SATB2: variants seen among roughly 807,000 people sequenced by gnomAD.
SATB2 encodes the protein DNA-binding protein SATB2.
SATB2 carries 1 observed loss-of-function variant against 73.4 expected under a neutral mutation model. The ratio of observed to expected loss-of-function variants is 0.01; its 90% CI spans 0.00 to 0.06. The LOEUF (loss-of-function observed/expected upper bound fraction) is 0.06. SATB2 is among the 10% of genes least tolerant of loss of function. The probability of loss-of-function intolerance (pLI) is 1.00; values close to 1 mark genes in which losing one functional copy is unlikely to be tolerated. For missense variants in SATB2, 459 were observed against 945.8 expected, an observed-to-expected ratio of 0.49 and a Z score of 6.75; for synonymous variants, 397 against 367.0, an observed-to-expected ratio of 1.08 and a Z score of -0.93.
rs949882211 is a variant in SATB2, at chr2:199,463,308, G to T, written c.-141+1528C>A. 6.6e-6 allele frequency among the ~76,000 whole-genome samples: 1 copy of T among 152,226 alleles called. No individual in the cohort carries two copies. The highest frequency in any genetic ancestry group is 1.5e-5 in the Non-Finnish European group (1 of 68,026). ...TAAACCGGGACAACAAGGCAAGGGT[G>T]GGGGAAGAAAAGGAAGCGCCGAAGG... On this transcript the variant is annotated intron_variant, in intron 1 of 11. Coordinates refer to the SATB2 transcript ENST00000260926. This position sits in a 1 kb window ranked among gnomAD's most constrained non-coding sequence, Gnocchi z 6.4.
At chr2:199,325,076 T>G (rs1271497953) in intron 8 of SATB2, among the ~76,000 whole-genome samples, 1 of 152,148 alleles carries the variant, frequency 6.6e-6, no homozygotes, top group Admixed American at 6.5e-5. Flanking sequence ...GCGGCAGAAC[T>G]TAAGGCCCTA....
At chr2:199,397,776 C>T (rs1424866653) in intron 3 of SATB2, 2 of 423,144 alleles carry the variant, frequency 4.7e-6, no homozygotes, top group African/African-American at 2.1e-5. Context: ...GGATTTCCAG[C>T]TACTCCGGAG....
chr2:199,316,472 A>C (rs1237086328), intron 9 of SATB2, among the ~76,000 whole-genome samples: 1 of 152,156 alleles, frequency 6.6e-6, no homozygotes, highest in East Asian at 1.9e-4. Flanking sequence ...TGGTAAGTAC[A>C]GAAGATCTGC....
chr2:199,377,193 G>A (rs1689630082), intron 5 of SATB2, among the ~76,000 whole-genome samples: 1 of 152,092 alleles, frequency 6.6e-6, no homozygotes, highest in African/African-American at 2.4e-5. Context: ...TGGCTAACAT[G>A]GTGAAATCAC....
chr2:199,338,193 GTC>G (rs1296044324), intron 7 of SATB2, among the ~76,000 whole-genome samples: 1 of 151,814 alleles, frequency 6.6e-6, no homozygotes, highest in Non-Finnish European at 1.5e-5. Context: ...AGGAAACCCT[GTC>G]TCTATTAAAA....
At chr2:199,436,503 T>C (rs1691657626) in intron 2 of SATB2, among the ~76,000 whole-genome samples, 1 of 151,972 alleles carries the variant, frequency 6.6e-6, no homozygotes, top group African/African-American at 2.4e-5. Context: ...AACGTATGTA[T>C]GATAATAGGG....
At chr2:199,426,557 A>T (rs1691333990) in intron 3 of SATB2, among the ~76,000 whole-genome samples, 1 of 152,040 alleles carries the variant, frequency 6.6e-6, no homozygotes, top group Admixed American at 6.6e-5. Flanking sequence ...TTGGCCTCCC[A>T]AAGTGCTGGG....
intron 8 of SATB2, 33 bp downstream of exon 8, chr2:199,328,663 CAA>C (rs775984543): frequency 6.4e-7 from 1 of 1,550,492 alleles, no homozygotes; most frequent in East Asian, 2.2e-5. Flanking sequence ...GTTTCCAAGA[CAA>C]AGAGTGAAAA....
At chr2:199,384,175 T>C (rs1689861260) in intron 3 of SATB2, among the ~76,000 whole-genome samples, 1 of 152,244 alleles carries the variant, frequency 6.6e-6, no homozygotes, top group African/African-American at 2.4e-5. Context: ...TTGTTTGGGC[T>C]GGAATTAGAC....
upstream of SATB2, chr2:199,460,350 A>G (rs1692448690): frequency 6.6e-6 from 1 of 152,342 alleles, no homozygotes; most frequent in Non-Finnish European, 1.5e-5. The surrounding 1 kb of genome is among the most constrained non-coding windows in gnomAD (Gnocchi z 4.0). Context: ...GGTGTTGCAA[A>G]AGCCAACTAC....
At chr2:199,276,631 T>C (rs1305922030) in intron 10 of SATB2, among the ~76,000 whole-genome samples, 1 of 152,196 alleles carries the variant, frequency 6.6e-6, no homozygotes, top group Non-Finnish European at 1.5e-5. Flanking sequence ...AAATTCTCTT[T>C]CCAAACTAGT....
intron 3 of SATB2, among the ~76,000 whole-genome samples, chr2:199,397,319 T>G (rs910360424): frequency 2.0e-5 from 3 of 152,226 alleles, no homozygotes; most frequent in African/African-American, 7.2e-5. Flanking sequence ...ATCTCAACAC[T>G]GGCTTCTGCT....
intron 5 of SATB2, among the ~76,000 whole-genome samples, chr2:199,380,040 C>T (rs1480114509): frequency 1.3e-5 from 2 of 151,808 alleles, no homozygotes; most frequent in Non-Finnish European, 2.9e-5. Context: ...CATGTCACCA[C>T]GCCCAGCTAA....
intron 7 of SATB2, 54 bp downstream of exon 7, chr2:199,348,647 C>T (rs748943670): frequency 7.6e-6 from 10 of 1,321,590 alleles, no homozygotes; most frequent in Admixed American, 5.8e-5. Flanking sequence ...TATAACCTAT[C>T]TCAATTCTGT....
At chr2:199,408,926 A>T (rs1234966870) in intron 3 of SATB2, among the ~76,000 whole-genome samples, 1 of 152,122 alleles carries the variant, frequency 6.6e-6, no homozygotes, top group African/African-American at 2.4e-5. Flanking sequence ...AGCACTGAAC[A>T]TAATGAGGGA....
At chr2:199,395,329 A>G (rs1409874610) in intron 3 of SATB2, among the ~76,000 whole-genome samples, 2 of 152,208 alleles carry the variant, frequency 1.3e-5, no homozygotes, top group Admixed American at 1.3e-4. Flanking sequence ...AAGTTACCCA[A>G]TATTACATTA....
At chr2:199,441,328 C>A (rs1028044899) in intron 2 of SATB2, among the ~76,000 whole-genome samples, 3 of 151,826 alleles carry the variant, frequency 2.0e-5, no homozygotes, top group African/African-American at 4.8e-5. Flanking sequence ...TAAGAAAAAA[C>A]CAACTAGAAA....
intron 7 of SATB2, among the ~76,000 whole-genome samples, chr2:199,331,531 A>C (rs867104020): frequency 1.3e-5 from 2 of 152,172 alleles, no homozygotes; most frequent in Non-Finnish European, 2.9e-5. Context: ...TAAAACTCTC[A>C]TATGTGTAGC....
chr2:199,299,500 A>C (rs1687217819), intron 10 of SATB2, among the ~76,000 whole-genome samples: 1 of 152,204 alleles, frequency 6.6e-6, no homozygotes, highest in African/African-American at 2.4e-5. Context: ...AGAGGAAGAA[A>C]TAGAACCTAT....
Sources: allele counts gnomAD v4.1 joint callset (sites outside exome capture counted in the v4.1 genomes callset), GRCh38; gene constraint gnomAD v4.1.1; non-coding constraint Gnocchi (gnomAD v3.1); transcripts MANE v1.5; gene names NCBI Gene and HGNC (gene_info 2026-07-23, HGNC 2026-07-21).